Variants in PTPRQ observed in about 807,000 individuals in gnomAD.
PTPRQ encodes protein tyrosine phosphatase receptor type Q, also known as phosphatidylinositol phosphatase PTPRQ.
PTPRQ carries 199 observed loss-of-function variants against 246.0 expected under a neutral mutation model. That is an observed-to-expected ratio of 0.81 (90% CI 0.72 to 0.91). The LOEUF (loss-of-function observed/expected upper bound fraction) is 0.91, where lower values mean the gene tolerates loss of function less well. Ranked by LOEUF, PTPRQ falls within the 40% of genes least tolerant of loss-of-function variation. The pLI, the probability that PTPRQ is intolerant of heterozygous loss-of-function variation, is 0.00. For synonymous variants in PTPRQ, 869 were observed against 853.2 expected (o/e 1.02, Z -0.32); for missense variants, 2,624 against 2,528.4 (o/e 1.04, Z -0.81).
intron 3 of PTPRQ, among the ~76,000 whole-genome samples, chr12:80,455,200 A>T (rs1425487312): frequency 6.6e-6 from 1 of 152,180 alleles, no homozygotes; most frequent in Admixed American, 6.5e-5. Flanking sequence ...AAACAAAAAA[A>T]CAGATAGCTT....
intron 26 of PTPRQ, among the ~76,000 whole-genome samples, chr12:80,598,230 A>G (rs553189493): frequency 1.1e-4 from 17 of 152,096 alleles, no homozygotes; most frequent in South Asian, 6.2e-4. Context: ...CCTTGCGGTT[A>G]GGAAATCTAA....
At chr12:80,609,431 T>C (rs1005539042) in intron 27 of PTPRQ, among the ~76,000 whole-genome samples, 6 of 150,736 alleles carry the variant, frequency 4.0e-5, no homozygotes, top group African/African-American at 1.2e-4. Flanking sequence ...GTATAAAACC[T>C]GGTTTTAAGT....
intron 26 of PTPRQ, among the ~76,000 whole-genome samples, chr12:80,599,885 A>T (rs1396473292): frequency 6.6e-6 from 1 of 151,030 alleles, no homozygotes; most frequent in African/African-American, 2.4e-5. Flanking sequence ...CAGTTATATA[A>T]GTTTACTTTT....
At chr12:80,669,181 A>G (rs975807382) in intron 40 of PTPRQ, 40 bp downstream of exon 40, 3 of 1,539,920 alleles carry the variant, frequency 1.9e-6, no homozygotes, top group Non-Finnish European at 2.6e-6. Flanking sequence ...TTGTTTTACG[A>G]TTGTGTTAAC....
chr12:80,669,321 G>T lies in PTPRQ; in HGVS notation c.6328-18G>T. On this transcript the variant is annotated intron_variant, in intron 40 of 44. Coordinates refer to ENST00000644991, the MANE Select transcript of PTPRQ (RefSeq NM_001145026.2). ...TATAACAATGACGCTTATGACTGAT[G>T]ATTTTCTCTGAATGCAGATCAGATG... The T allele has an allele frequency of 6.5e-7, 1 of 1,547,744 alleles. No individual in the cohort carries two copies. Among genetic ancestry groups the T allele is most frequent in the South Asian group, 1.2e-5 (1 of 82,962 alleles).
intron 25 of PTPRQ, among the ~76,000 whole-genome samples, chr12:80,555,136 G>A (rs1200677918): frequency 1.3e-5 from 2 of 152,028 alleles, no homozygotes; most frequent in Non-Finnish European, 2.9e-5. Context: ...TCTGGGTATC[G>A]AACTCCTGAC....
At chr12:80,491,749 T>C (rs962012945) in intron 9 of PTPRQ, among the ~76,000 whole-genome samples, 2 of 151,966 alleles carry the variant, frequency 1.3e-5, no homozygotes, top group African/African-American at 4.8e-5. Context: ...TTTCTTGCTT[T>C]ACTGAACTTT....
At chr12:80,633,485 T>G (rs2121173013) in intron 34 of PTPRQ, among the ~76,000 whole-genome samples, 1 of 152,346 alleles carries the variant, frequency 6.6e-6, no homozygotes, top group African/African-American at 2.4e-5. Context: ...ATCTAGCTTC[T>G]TAAGGCAGAT....
chr12:80,501,950 A>C (rs1254191450), intron 14 of PTPRQ, among the ~76,000 whole-genome samples: 1 of 151,816 alleles, frequency 6.6e-6, no homozygotes, highest in Non-Finnish European at 1.5e-5. Flanking sequence ...GGCAAAAAAA[A>C]ATGTAGAAAA....
At chr12:80,582,704 C>G (rs929973120) in intron 25 of PTPRQ, among the ~76,000 whole-genome samples, 35 of 152,012 alleles carry the variant, frequency 2.3e-4, no homozygotes, top group African/African-American at 8.5e-4. Flanking sequence ...TAGTAACTTG[C>G]TACAGCAGCC....
intron 42 of PTPRQ, among the ~76,000 whole-genome samples, chr12:80,672,401 T>A (rs1321810657): frequency 1.1e-4 from 16 of 151,836 alleles, no homozygotes; most frequent in African/African-American, 3.6e-4. Context: ...AATGTTTGAA[T>A]GTTTCTTACT....
intron 29 of PTPRQ, among the ~76,000 whole-genome samples, 189 bp from the exon 30 acceptor site, chr12:80,616,011 C>T (rs1425682564): frequency 6.7e-6 from 1 of 150,092 alleles, no homozygotes. Context: ...CAAGAAAATA[C>T]AATTAATAGA....
chr12:80,612,714 C>T (rs975103184), intron 28 of PTPRQ, among the ~76,000 whole-genome samples: 1 of 150,518 alleles, frequency 6.6e-6, no homozygotes, highest in African/African-American at 2.4e-5. Flanking sequence ...AAATTATGCT[C>T]ACACAAACAT....
intron 39 of PTPRQ, among the ~76,000 whole-genome samples, chr12:80,661,306 T>C (rs1436347457): frequency 6.7e-6 from 1 of 148,652 alleles, no homozygotes; most frequent in East Asian, 2.0e-4. Context: ...ATATTTTATA[T>C]ATGTATATAT....
intron 26 of PTPRQ, among the ~76,000 whole-genome samples, chr12:80,594,374 T>A (rs1897900275): frequency 6.6e-6 from 1 of 152,182 alleles, no homozygotes; most frequent in African/African-American, 2.4e-5. Context: ...ATGGGCTCCA[T>A]CTTGCTGCCA....
intron 25 of PTPRQ, among the ~76,000 whole-genome samples, chr12:80,575,150 G>C (rs1367166594): frequency 6.6e-6 from 1 of 152,070 alleles, no homozygotes; most frequent in Non-Finnish European, 1.5e-5. Flanking sequence ...CTCCTTTCAA[G>C]GTTTTTATTA....
chr12:80,473,625 C>G (rs891997523), intron 8 of PTPRQ, among the ~76,000 whole-genome samples: 3 of 152,184 alleles, frequency 2.0e-5, no homozygotes, highest in Non-Finnish European at 4.4e-5. Context: ...TTATTGTCAT[C>G]ATTCTTGGAC....
intron 8 of PTPRQ, among the ~76,000 whole-genome samples, chr12:80,477,822 G>C (rs972065011): frequency 1.2e-4 from 18 of 152,166 alleles, no homozygotes; most frequent in African/African-American, 4.3e-4. Flanking sequence ...CTTTTCTGAC[G>C]GGCTTAAAAA....
intron 25 of PTPRQ, among the ~76,000 whole-genome samples, chr12:80,556,911 G>A (rs1896662201): frequency 6.6e-6 from 1 of 152,148 alleles, no homozygotes; most frequent in Admixed American, 6.5e-5. Flanking sequence ...AAGCAGGAAG[G>A]TTGAATAACT....
Sources: allele counts gnomAD v4.1 joint callset (sites outside exome capture counted in the v4.1 genomes callset), GRCh38; gene constraint gnomAD v4.1.1; transcripts MANE v1.5; gene names NCBI Gene and HGNC (gene_info 2026-07-23, HGNC 2026-07-21).